MAP2K3: variants seen among roughly 807,000 people sequenced by gnomAD.
The protein encoded by MAP2K3 is mitogen-activated protein kinase kinase 3, also known as dual specificity mitogen-activated protein kinase kinase 3.
In MAP2K3, 30 loss-of-function variants were observed where a neutral mutation model predicts 46.4. That is an observed-to-expected ratio of 0.65 (90% CI 0.48 to 0.88). The LOEUF (loss-of-function observed/expected upper bound fraction) is 0.88. MAP2K3 is among the 40% of genes least tolerant of loss of function. The probability of loss-of-function intolerance (pLI) is 0.00; values close to 1 mark genes in which losing one functional copy is unlikely to be tolerated. For missense variants in MAP2K3, 380 were observed against 464.5 expected, an observed-to-expected ratio of 0.82 and a Z score of 1.67; for synonymous variants, 189 against 176.3, an observed-to-expected ratio of 1.07 and a Z score of -0.57.
chr17:21,295,639 G>T (rs1413212188), intron 1 of MAP2K3: 1 of 1,289,310 alleles, frequency 7.8e-7, no homozygotes, highest in Non-Finnish European at 1.0e-6. Flanking sequence ...CATGGAGCCT[G>T]TGGCCCTCCT....
chr17:21,306,698 G>A (rs1176241308), intron 9 of MAP2K3, among the ~76,000 whole-genome samples: 1 of 152,200 alleles, frequency 6.6e-6, no homozygotes, highest in East Asian at 1.9e-4. Context: ...GGCGAGGCTG[G>A]TCTTGAACTC....
At chr17:21,286,350 C>T (rs1392207948) in intron 1 of MAP2K3, among the ~76,000 whole-genome samples, 1 of 152,248 alleles carries the variant, frequency 6.6e-6, no homozygotes, top group African/African-American at 2.4e-5. Context: ...AGGGGTCAGC[C>T]GCTCTTCTGT....
At chr17:21,291,119 C>T (rs1434454944) in intron 1 of MAP2K3, among the ~76,000 whole-genome samples, 3 of 152,308 alleles carry the variant, frequency 2.0e-5, no homozygotes, top group Non-Finnish European at 4.4e-5. Flanking sequence ...TGGCAGGTGT[C>T]TGTAGTCCCA....
Position 21,303,196 on chromosome 17 carries a change from T to G in MAP2K3, c.530T>G (p.Leu177Arg). Residue 177 changes from leucine (L) to arginine (R), a missense_variant, in exon 7 of 12, where the codon CTG becomes CGG. Physicochemically the swap from Leu to Arg is moderately radical, Grantham distance 102. Coordinates refer to ENST00000342679, the MANE Select transcript of MAP2K3 (RefSeq NM_145109.3). ...CCCCACCGCCAGATCGTGCGGGCCC[T>G]GGAGCATCTGCACAGCAAGCTGTCG... The part of the protein sequence containing the change: ...GEIAVSIVRA[L>R]EHLHSKLSVI... 1.2e-6 allele frequency: 2 copies of G among 1,613,924 alleles called. No individual in the cohort carries two copies. Among genetic ancestry groups the G allele is most frequent in the Non-Finnish European group, 1.7e-6 (2 of 1,179,812 alleles).
chr17:21,295,535 G>C (rs1976190011), intron 1 of MAP2K3: 1 of 1,215,850 alleles, frequency 8.2e-7, no homozygotes, highest in African/African-American at 1.6e-5. Context: ...GGCCATCTGG[G>C]CCCAGCTCTG....
intron 9 of MAP2K3, among the ~76,000 whole-genome samples, chr17:21,310,404 T>A (rs73302007): frequency 1.3e-5 from 2 of 152,200 alleles, no homozygotes; most frequent in African/African-American, 2.4e-5. Context: ...CTGATGTGGG[T>A]TGTTTCCCTT....
chr17:21,302,121 G>A, intron 5 of MAP2K3, 22 bp from the exon 6 acceptor site: 1 of 1,613,550 alleles, frequency 6.2e-7, no homozygotes, highest in South Asian at 1.1e-5. Flanking sequence ...CAGCCTGGCT[G>A]AGCTCTGGGT....
intron 7 of MAP2K3, among the ~76,000 whole-genome samples, chr17:21,303,968 G>A (rs1976747503): frequency 6.6e-6 from 1 of 152,292 alleles, no homozygotes; most frequent in Non-Finnish European, 1.5e-5. Context: ...CATTTGTATG[G>A]AGAATCCCTG....
intron 7 of MAP2K3, among the ~76,000 whole-genome samples, chr17:21,303,927 G>A (rs1355293659): frequency 1.3e-5 from 2 of 152,144 alleles, no homozygotes; most frequent in African/African-American, 4.8e-5. Context: ...ACATCCCCAT[G>A]GAGGGCACGG....
intron 10 of MAP2K3, 91 bp downstream of exon 10, chr17:21,312,372 C>G: frequency 1.5e-6 from 2 of 1,326,284 alleles, no homozygotes; most frequent in Non-Finnish European, 1.0e-6. Context: ...ATTCCTTTGG[C>G]AAATAAACCC....
Position 21,312,256 on chromosome 17 carries a change from G to A in MAP2K3, c.889G>A (p.Glu297Lys), listed in dbSNP as rs572893701. Reference protein sequence around the residue: ...PQLPADRFSPEFVDFTAQCLR... With the variant: ...PQLPADRFSPKFVDFTAQCLR... Reference sequence around the variant, plus strand: ...GCTCCCAGCCGACCGTTTCTCCCCCGAGTTTGTGGACTTCACTGCTCAGTG... The same window carrying A: ...GCTCCCAGCCGACCGTTTCTCCCCCAAGTTTGTGGACTTCACTGCTCAGTG... Residue 297 changes from glutamate (E) to lysine (K), a missense_variant, in exon 10 of 12, where the codon GAG (glutamate) becomes AAG (lysine). By Grantham distance (56) the Glu-to-Lys change is moderately conservative. This residue lies in a region of MAP2K3 where 63 missense variants were observed against 81.6 expected (regional missense o/e 0.77). Coordinates refer to ENST00000342679, the MANE Select transcript of MAP2K3 (RefSeq NM_145109.3). 9 of 1,601,180 alleles carry A rather than the reference G, an allele frequency of 5.6e-6. No homozygotes were observed. Among genetic ancestry groups the A allele is most frequent in the South Asian group, 5.6e-5 (5 of 89,454 alleles).
At chr17:21,292,002 G>A (rs1975965447) in intron 1 of MAP2K3, among the ~76,000 whole-genome samples, 1 of 152,312 alleles carries the variant, frequency 6.6e-6, no homozygotes, top group Non-Finnish European at 1.5e-5. Flanking sequence ...CGCTGTGGTG[G>A]TTTCTCCACT....
In MAP2K3 at chr17:21,295,780, T is replaced by C. The variant is rs1450533981; in HGVS notation, c.50-2633T>C. 1.5e-5 allele frequency: 19 copies of C among 1,289,026 alleles called. No homozygotes were observed. In the Admixed American group the frequency reaches 4.4e-4, roughly 30 times the overall value. The allele number at this position is 1,289,026 out of a possible 1,614,324, so 79.8% of individuals were successfully genotyped here. On this transcript the variant is annotated intron_variant, in intron 1 of 11. Transcript: ENST00000342679. ...AAGTGCCCTTGACAGGTGGGGAAACTGAGGCTTGGTGAAGGGGGGGCCACA... is the reference window on the plus strand; with the variant it reads ...AAGTGCCCTTGACAGGTGGGGAAACCGAGGCTTGGTGAAGGGGGGGCCACA...
rs1339240647 is a variant in MAP2K3 at position 21,284,891 on chromosome 17, C to T, written c.-30C>T. On this transcript the variant is annotated 5_prime_UTR_variant, in exon 1 of 12. Coordinates refer to ENST00000342679, the MANE Select transcript of MAP2K3 (RefSeq NM_145109.3). The stretch of plus-strand genomic sequence containing the variant: ...GGAGCCCGCAGTCCTCTAGATTAGT[C>T]TCCACCGCCGTCCAGGACCCACTTG... 1.2e-6 allele frequency: 2 copies of T among 1,611,230 alleles called. No individual in the cohort carries two copies. The highest frequency in any genetic ancestry group is 1.7e-4 in the Middle Eastern group (1 of 6,058).
chr17:21,310,812 G>C (rs1326642924), intron 9 of MAP2K3, among the ~76,000 whole-genome samples: 1 of 152,212 alleles, frequency 6.6e-6, no homozygotes, highest in Non-Finnish European at 1.5e-5. Context: ...ACACCATATG[G>C]CACATCTTCG....
At chr17:21,292,792 G>C (rs372019751) in intron 1 of MAP2K3, among the ~76,000 whole-genome samples, 3 of 151,772 alleles carry the variant, frequency 2.0e-5, no homozygotes, top group Non-Finnish European at 4.4e-5. Flanking sequence ...TGGTCTGACC[G>C]GCATTTTCTT....
chr17:21,311,052 C>T (rs1263374055), intron 9 of MAP2K3, among the ~76,000 whole-genome samples: 1 of 152,134 alleles, frequency 6.6e-6, no homozygotes, highest in African/African-American at 2.4e-5. Flanking sequence ...AACACGCATG[C>T]ACACATGCAC....
At chr17:21,309,645 G>A (rs995593129) in intron 9 of MAP2K3, among the ~76,000 whole-genome samples, 14 of 151,908 alleles carry the variant, frequency 9.2e-5, no homozygotes, top group Non-Finnish European at 1.5e-5. Context: ...ACAGAGCCTC[G>A]CTCTGTCACC....
intron 1 of MAP2K3, 197 bp from the exon 2 acceptor site, chr17:21,298,216 C>T (rs1976371179): frequency 2.5e-6 from 2 of 809,844 alleles, no homozygotes; most frequent in East Asian, 2.4e-5. Flanking sequence ...GTCTGTCCTG[C>T]TCTGCTCCCC....
Sources: allele counts gnomAD v4.1 joint callset (sites outside exome capture counted in the v4.1 genomes callset), GRCh38; gene constraint gnomAD v4.1.1; regional missense constraint gnomAD v4.1.1; transcripts MANE v1.5; gene names NCBI Gene and HGNC (gene_info 2026-07-23, HGNC 2026-07-21).